Variants in IGSF10 observed in about 807,000 individuals in gnomAD.
IGSF10 encodes the protein immunoglobulin superfamily member 10.
IGSF10 carries 126 observed loss-of-function variants against 128.2 expected under a neutral mutation model. The observed-to-expected ratio is 0.98, with a 90% CI of 0.85 to 1.14. The LOEUF (loss-of-function observed/expected upper bound fraction) is 1.14, where lower values mean the gene tolerates loss of function less well. Ranked by LOEUF, IGSF10 falls within the 50% of genes most tolerant of loss-of-function variation. The probability of loss-of-function intolerance (pLI) is 0.00; values close to 1 mark genes in which losing one functional copy is unlikely to be tolerated. For missense variants in IGSF10, 3,295 were observed against 3,149.8 expected, an observed-to-expected ratio of 1.05 and a Z score of -1.10; for synonymous variants, 1,185 against 1,146.2, an observed-to-expected ratio of 1.03 and a Z score of -0.68.
the IGSF10 span, among the ~76,000 whole-genome samples, chr3:151,492,961 G>A: frequency 2.7e-5 from 3 of 110,136 alleles, no homozygotes; most frequent in Non-Finnish European, 6.3e-5. Context: ...TATGTATATA[G>A]TTTATAAAGA....
At chr3:151,569,473 CAT>C in the IGSF10 span, among the ~76,000 whole-genome samples, 71 of 152,240 alleles carry the variant, frequency 4.7e-4, no homozygotes, top group Non-Finnish European at 8.7e-4. Context: ...CTTCCTGCCC[CAT>C]GATACCAGAA....
the IGSF10 span, among the ~76,000 whole-genome samples, chr3:151,547,086 T>C: frequency 5.9e-5 from 9 of 152,156 alleles, no homozygotes; most frequent in Non-Finnish European, 7.3e-5. Flanking sequence ...TTTCTCCATA[T>C]TTCTAAATAA....
chr3:151,442,065 A>AAT (rs371116850), intron 7 of IGSF10, among the ~76,000 whole-genome samples: 3 of 152,266 alleles, frequency 2.0e-5, no homozygotes, highest in Non-Finnish European at 4.4e-5. Context: ...CGTCTCAAAA[A>AAT]ATATATATAT....
the IGSF10 span, among the ~76,000 whole-genome samples, chr3:151,611,691 T>G: frequency 6.6e-6 from 1 of 152,310 alleles, no homozygotes; most frequent in East Asian, 1.9e-4. Context: ...CCTGACATGA[T>G]GTGTGTTAGC....
chr3:151,501,443 A>G, the IGSF10 span, among the ~76,000 whole-genome samples: 44 of 73,850 alleles, frequency 6.0e-4, no homozygotes, highest in Non-Finnish European at 9.7e-4. Context: ...TACTTAGTAT[A>G]AAGCTTGGTA....
chr3:151,465,665 A>G (rs149973323), upstream of IGSF10, among the ~76,000 whole-genome samples: 302 of 152,352 alleles, frequency 2.0e-3, 2 homozygotes, highest in East Asian at 0.012. Context: ...TGATTTCTCC[A>G]GGAAGCTCAG....
the IGSF10 span, among the ~76,000 whole-genome samples, chr3:151,506,752 T>G: frequency 2.6e-5 from 4 of 152,144 alleles, no homozygotes; most frequent in African/African-American, 9.7e-5. Context: ...TTTAGAAATG[T>G]AAATTTATTG....
At position 151,457,093 on chromosome 3, in the gene IGSF10, A is replaced by C. The variant is rs1721831791; in HGVS notation, c.257T>G (p.Leu86Arg). ...DFSGLTKLEL[L>R]MLHSNGIHTI... ...GTGAATGCCATTGCTGTGAAGCATG[A>C]GTAACTCCAGTTTGGTCAGGCCAGA... Residue 86 changes from leucine (L) to arginine (R), a missense_variant, in exon 4 of 8, where the codon CTC becomes CGC. Leu to Arg is a moderately radical substitution (Grantham distance 102). Transcript: ENST00000282466. 1 of 1,614,126 alleles carries C rather than the reference A, an allele frequency of 6.2e-7. No homozygotes were observed. Among genetic ancestry groups the C allele is most frequent in the East Asian group, 2.2e-5 (1 of 44,884 alleles).
the IGSF10 span, among the ~76,000 whole-genome samples, chr3:151,529,687 A>ATTG: frequency 6.6e-5 from 10 of 152,188 alleles, no homozygotes; most frequent in Non-Finnish European, 1.3e-4. Context: ...ACGTCCACTC[A>ATTG]GAGACCACAT....
Sources: allele counts gnomAD v4.1 joint callset (sites outside exome capture counted in the v4.1 genomes callset), GRCh38; gene constraint gnomAD v4.1.1; transcripts MANE v1.5; gene names NCBI Gene and HGNC (gene_info 2026-07-23, HGNC 2026-07-21).